The following PSPC1 variants were observed in gnomAD, a reference collection of about 807,000 sequenced individuals.
PSPC1 encodes paraspeckle protein 1.
PSPC1 carries 14 observed loss-of-function variants against 51.6 expected under a neutral mutation model. The observed-to-expected ratio is 0.27, with a 90% CI of 0.18 to 0.42. The LOEUF (loss-of-function observed/expected upper bound fraction) is 0.42. PSPC1 is among the 10% of genes least tolerant of loss of function. PSPC1 has a pLI of 1.00. For synonymous variants in PSPC1, 193 were observed against 231.9 expected (o/e 0.83, Z 1.53); for missense variants, 406 against 701.1 (o/e 0.58, Z 4.75).
chr13:19,692,800 C>A (rs924918337), intron 6 of PSPC1, among the ~76,000 whole-genome samples: 1 of 152,076 alleles, frequency 6.6e-6, no homozygotes, highest in Non-Finnish European at 1.5e-5. Context: ...TTAGAAACAG[C>A]TGAATTCACT....
At chr13:19,740,878 CT>C (rs546583892) in intron 5 of PSPC1, among the ~76,000 whole-genome samples, 376 of 143,428 alleles carry the variant, frequency 2.6e-3, no homozygotes, top group Admixed American at 2.3e-3. Flanking sequence ...TTCCAGAAAT[CT>C]TTTTTTTTTT....
At chr13:19,781,856 T>A (rs1352835436) in intron 1 of PSPC1, among the ~76,000 whole-genome samples, 1 of 152,236 alleles carries the variant, frequency 6.6e-6, no homozygotes, top group African/African-American at 2.4e-5. Context: ...AAGCCAAGGA[T>A]GGGATGTTAA....
intron 3 of PSPC1, 139 bp from the exon 4 acceptor site, chr13:19,751,606 ATTACAGG>A (rs1447880606): frequency 2.0e-6 from 1 of 488,266 alleles, no homozygotes; most frequent in Non-Finnish European, 3.4e-6. Context: ...CAATATTGTG[ATTACAGG>A]CCTGAGTTTA....
intron 3 of PSPC1, among the ~76,000 whole-genome samples, chr13:19,752,790 G>A (rs145864149): frequency 0.01 from 1,574 of 152,088 alleles, 20 homozygotes; most frequent in Non-Finnish European, 0.017. Flanking sequence ...GTTTCACTAT[G>A]TTGGCCAGGC....
At chr13:19,756,342 A>G (rs73168907) in intron 3 of PSPC1, among the ~76,000 whole-genome samples, 1 of 152,026 alleles carries the variant, frequency 6.6e-6, no homozygotes, top group Non-Finnish European at 1.5e-5. Context: ...CCTTGCTTTG[A>G]GCATTTTGTC....
chr13:19,781,523 C>T (rs1224263688), intron 1 of PSPC1, among the ~76,000 whole-genome samples: 1 of 151,996 alleles, frequency 6.6e-6, no homozygotes, highest in Non-Finnish European at 1.5e-5. Context: ...AACTATTCTC[C>T]CCCCTATAAA....
chr13:19,764,199 AGAG>A (rs1401435578), intron 2 of PSPC1, among the ~76,000 whole-genome samples: 1 of 152,162 alleles, frequency 6.6e-6, no homozygotes, highest in Non-Finnish European at 1.5e-5. Flanking sequence ...TAACATATGG[AGAG>A]GAGCTCTGAT....
At chr13:19,711,038 G>A (rs1222450663) in intron 6 of PSPC1, among the ~76,000 whole-genome samples, 2 of 151,616 alleles carry the variant, frequency 1.3e-5, no homozygotes, top group African/African-American at 2.4e-5. Context: ...ATAGGGTCTC[G>A]CTATGTCAAC....
At chr13:19,672,508 A>T (rs1368758744), downstream of PSPC1, 1 of 152,168 alleles carries the variant, frequency 6.6e-6, no homozygotes, top group East Asian at 1.9e-4. Flanking sequence ...TAAAAAAAAA[A>T]AAAAAAAAAG....
chr13:19,711,938 A>G (rs1175776022), intron 6 of PSPC1, among the ~76,000 whole-genome samples: 1 of 152,116 alleles, frequency 6.6e-6, no homozygotes, highest in Non-Finnish European at 1.5e-5. Flanking sequence ...TGTTATCACT[A>G]CTTTCAATAA....
intron 4 of PSPC1, among the ~76,000 whole-genome samples, chr13:19,743,158 T>C (rs9578209): frequency 0.081 from 12,281 of 152,288 alleles, 521 homozygotes; most frequent in Middle Eastern, 0.13. Flanking sequence ...TGTGTGATTT[T>C]GTATAAAATT....
intron 8 of PSPC1, among the ~76,000 whole-genome samples, chr13:19,704,284 C>A (rs1880350985): frequency 6.6e-6 from 1 of 152,230 alleles, no homozygotes; most frequent in Non-Finnish European, 1.5e-5. Flanking sequence ...GTGTTAAGCG[C>A]CATCTGTTCA....
At chr13:19,756,530 C>T (rs1887088649) in intron 3 of PSPC1, among the ~76,000 whole-genome samples, 1 of 151,618 alleles carries the variant, frequency 6.6e-6, no homozygotes, top group Non-Finnish European at 1.5e-5. Context: ...GAGACGGAGT[C>T]TCACTGTCAT....
At chr13:19,677,165 A>C (rs935745891) in intron 7 of PSPC1, among the ~76,000 whole-genome samples, 1 of 151,092 alleles carries the variant, frequency 6.6e-6, no homozygotes, top group Admixed American at 6.6e-5. Flanking sequence ...CCCGGGAGGC[A>C]GAGCTTGCAG....
intron 2 of PSPC1, among the ~76,000 whole-genome samples, chr13:19,763,115 A>C (rs956254901): frequency 6.6e-6 from 1 of 152,036 alleles, no homozygotes; most frequent in Non-Finnish European, 1.5e-5. Flanking sequence ...AAAAAAAAAA[A>C]AACTCAACTT....
downstream of PSPC1, among the ~76,000 whole-genome samples, chr13:19,701,015 G>T (rs1474613265): frequency 6.6e-6 from 1 of 152,284 alleles, no homozygotes. Context: ...TCACTCAGAA[G>T]CTGACTGCTC....
intron 5 of PSPC1, among the ~76,000 whole-genome samples, chr13:19,732,608 A>C (rs1884253366): frequency 6.6e-6 from 1 of 152,214 alleles, no homozygotes; most frequent in African/African-American, 2.4e-5. Context: ...GATTCACGTC[A>C]GATTGCCACC....
intron 2 of PSPC1, among the ~76,000 whole-genome samples, chr13:19,762,383 C>A (rs1203805177): frequency 6.6e-6 from 1 of 151,718 alleles, no homozygotes; most frequent in Non-Finnish European, 1.5e-5. Flanking sequence ...TAGTGAAATG[C>A]CATCTCTACT....
intron 6 of PSPC1, among the ~76,000 whole-genome samples, chr13:19,720,900 CAAAT>C (rs1038868888): frequency 5.9e-5 from 9 of 152,042 alleles, no homozygotes; most frequent in African/African-American, 2.2e-4. Flanking sequence ...CAATCTAACT[CAAAT>C]AAGTAAAAGC....
Sources: gnomAD v4.1 joint callset for allele counts (sites outside exome capture counted in the v4.1 genomes callset) on GRCh38, gnomAD v4.1.1 for gene constraint, MANE v1.5 for transcripts, NCBI Gene and HGNC (gene_info 2026-07-23, HGNC 2026-07-21) for gene names.